The following TG variants were observed in gnomAD, a reference collection of about 807,000 sequenced individuals.
TG encodes thyroglobulin.
TG carries 270 observed loss-of-function variants against 324.7 expected under a neutral mutation model. The observed-to-expected ratio is 0.83, with a 90% CI of 0.75 to 0.92. The LOEUF is 0.92. TG is among the 40% of genes least tolerant of loss of function. The probability of loss-of-function intolerance (pLI) is 0.00; values close to 1 mark genes in which losing one functional copy is unlikely to be tolerated. For synonymous variants in TG, 1,401 were observed against 1,327.0 expected, an observed-to-expected ratio of 1.06 and a Z score of -1.21; for missense variants, 3,591 against 3,456.4, an observed-to-expected ratio of 1.04 and a Z score of -0.98.
At chr8:133,075,224 T>A (rs1446837334) in intron 41 of TG, 1 of 687,678 alleles carries the variant, frequency 1.5e-6, no homozygotes, top group Non-Finnish European at 1.8e-6. Flanking sequence ...AGCTTGGTCT[T>A]CTTTCTCTAA....
chr8:133,115,747 C>G (rs1366185744), intron 44 of TG, among the ~76,000 whole-genome samples: 1 of 152,232 alleles, frequency 6.6e-6, no homozygotes, highest in Non-Finnish European at 1.5e-5. Context: ...GGCCCAGGGT[C>G]AGCCAGGGTC....
At chr8:132,991,658 C>T (rs1047504247) in intron 35 of TG, among the ~76,000 whole-genome samples, 4 of 152,164 alleles carry the variant, frequency 2.6e-5, no homozygotes, top group South Asian at 2.1e-4. Flanking sequence ...TGCCGGTTAG[C>T]ACACCCTGTT....
chr8:133,085,881 G>A (rs925746514), intron 41 of TG, among the ~76,000 whole-genome samples: 2 of 152,128 alleles, frequency 1.3e-5, no homozygotes, highest in African/African-American at 4.8e-5. Flanking sequence ...ATACATTCAA[G>A]AGACATGAAA....
At chr8:133,089,969 G>T (rs1343006970) in intron 41 of TG, 1 of 152,138 alleles carries the variant, frequency 6.6e-6, no homozygotes, top group Non-Finnish European at 1.5e-5. Flanking sequence ...CAAAGTGCAA[G>T]AATTCTTGGC....
chr8:132,931,798 G>A (rs1822760206), intron 23 of TG, among the ~76,000 whole-genome samples: 1 of 152,162 alleles, frequency 6.6e-6, no homozygotes. Context: ...GGACCAGTAA[G>A]AATTATTTTC....
intron 43 of TG, among the ~76,000 whole-genome samples, chr8:133,107,175 C>T (rs888128659): frequency 1.3e-5 from 2 of 152,166 alleles, no homozygotes; most frequent in African/African-American, 4.8e-5. Flanking sequence ...ATCCACTGAA[C>T]ACATTTGTTC....
chr8:133,128,457 AC>A (rs1851704646), intron 45 of TG, among the ~76,000 whole-genome samples: 1 of 151,958 alleles, frequency 6.6e-6, no homozygotes, highest in African/African-American at 2.4e-5. Flanking sequence ...AACTTCAGCA[AC>A]CTTAACTCTT....
intron 29 of TG, chr8:132,964,739 A>C (rs970234032): frequency 1.2e-5 from 7 of 602,450 alleles, no homozygotes; most frequent in African/African-American, 1.9e-5. Flanking sequence ...TTTTGAGCAC[A>C]TGTGGCTGTG....
intron 25 of TG, among the ~76,000 whole-genome samples, chr8:132,939,627 CATT>C (rs1190296331): frequency 2.6e-5 from 4 of 151,620 alleles, no homozygotes; most frequent in Middle Eastern, 3.4e-3. Flanking sequence ...GTGGCAGGCT[CATT>C]GTTGTTCAGC....
chr8:132,983,226 G>T, intron 34 of TG, 124 bp from the exon 35 acceptor site: 1 of 1,004,572 alleles, frequency 1.0e-6, no homozygotes, highest in South Asian at 1.3e-5. Flanking sequence ...TACAGGTTGG[G>T]ACAATCTGTC....
intron 5 of TG, among the ~76,000 whole-genome samples, chr8:132,876,161 C>T (rs1434324888): frequency 6.6e-6 from 1 of 152,042 alleles, no homozygotes; most frequent in Non-Finnish European, 1.5e-5. Flanking sequence ...AAGGAGGCAG[C>T]CCTCCGAGTT....
intron 5 of TG, among the ~76,000 whole-genome samples, chr8:132,874,505 T>C (rs61429421): frequency 0.022 from 3,337 of 152,302 alleles, 128 homozygotes; most frequent in African/African-American, 0.073. Flanking sequence ...AAGACTGATA[T>C]GAATTCTCTT....
chr8:133,013,612 A>T lies in TG; in HGVS notation c.6410A>T (p.His2137Leu). The change falls in exon 37 of 48, where the codon CAT (histidine) becomes CTT (leucine). Residue 2137 changes from histidine (H) to leucine (L), a missense_variant. Transcript: ENST00000220616. ...CTCTTTTCTGCAGAATGTTCCCAAC[A>T]TGAGGCCTGTCTCATCACCACTCTG... is the stretch of plus-strand genomic sequence containing the variant. ...RDLCLSECSQ[H>L]EACLITTLQT... The T allele has an allele frequency of 6.2e-7, 1 of 1,614,250 alleles. No individual in the cohort carries two copies.
At chr8:132,975,187 C>A (rs147161774) in intron 34 of TG, among the ~76,000 whole-genome samples, 1 of 152,196 alleles carries the variant, frequency 6.6e-6, no homozygotes, top group Non-Finnish European at 1.5e-5. Flanking sequence ...GACTTCAGAA[C>A]TGAGCTCTCA....
chr8:133,128,839 G>A (rs1355048186), intron 45 of TG, among the ~76,000 whole-genome samples: 1 of 152,186 alleles, frequency 6.6e-6, no homozygotes, highest in East Asian at 1.9e-4. Flanking sequence ...GCTGCCACGG[G>A]TCTGGACCTA....
intron 41 of TG, among the ~76,000 whole-genome samples, chr8:133,069,650 A>G (rs1189357995): frequency 6.6e-6 from 1 of 151,704 alleles, no homozygotes; most frequent in Non-Finnish European, 1.5e-5. Flanking sequence ...GTTTGTTTCT[A>G]CTCTCGGCTG....
At chr8:133,047,692 G>A (rs573941085) in intron 41 of TG, 1 of 687,072 alleles carries the variant, frequency 1.5e-6, no homozygotes, top group East Asian at 2.7e-5. Flanking sequence ...CAGCGTGTGG[G>A]CTGCAGGGAG....
rs141642525 is a variant in TG, at chr8:133,053,092, T to C, written c.7239+23069T>C. 2.2e-3 allele frequency among the ~76,000 whole-genome samples: 337 copies of C among 152,294 alleles called. 1 individual carries two copies. Among genetic ancestry groups the C allele is most frequent in the African/African-American group, 7.6e-3 (317 of 41,566 alleles). On this transcript the variant is annotated intron_variant, in intron 41 of 47. Coordinates refer to ENST00000220616, the MANE Select transcript of TG (RefSeq NM_003235.5). ...CAGAGCCTCCGGATAGGCTGTTCCC[T>C]CTGCCTGGAACACACCCTGCTCTTC...
chr8:133,064,946 G>A (rs919430836), intron 41 of TG, among the ~76,000 whole-genome samples: 3 of 152,172 alleles, frequency 2.0e-5, no homozygotes, highest in Non-Finnish European at 4.4e-5. Flanking sequence ...CCAAGGGAAG[G>A]CAGGTCATAA....
Sources: allele counts gnomAD v4.1 joint callset (sites outside exome capture counted in the v4.1 genomes callset), GRCh38; gene constraint gnomAD v4.1.1; transcripts MANE v1.5; gene names NCBI Gene and HGNC (gene_info 2026-07-23, HGNC 2026-07-21).